TOX2: variants seen among roughly 807,000 people sequenced by gnomAD.
TOX2 encodes TOX high mobility group box family member 2, also known as granulosa cell HMG box 1.
In TOX2, 15 loss-of-function variants were observed where a neutral mutation model predicts 47.4. The observed-to-expected ratio is 0.32, with a 90% CI of 0.21 to 0.49. TOX2 has a LOEUF of 0.49. Ranked by LOEUF, TOX2 falls within the 20% of genes least tolerant of loss-of-function variation. The probability of loss-of-function intolerance (pLI) is 0.99; values close to 1 mark genes in which losing one functional copy is unlikely to be tolerated. For synonymous variants in TOX2, 290 were observed against 296.6 expected (o/e 0.98, Z 0.23); for missense variants, 622 against 673.1 (o/e 0.92, Z 0.84).
In TOX2 at chr20:43,916,798, C is replaced by A. The variant is rs1312086039; in HGVS notation, c.99+1808C>A. Among the ~76,000 whole-genome samples, 2 of 152,082 alleles carry A rather than the reference C, an allele frequency of 1.3e-5. No individual in the cohort carries two copies. Among genetic ancestry groups the A allele is most frequent in the Non-Finnish European group, 2.9e-5 (2 of 68,034 alleles). On this transcript the variant is annotated intron_variant, in intron 1 of 8. Transcript: ENST00000341197. The surrounding 1 kb of genome is among the most constrained non-coding windows in gnomAD (Gnocchi z 5.0). ...GAGTGGGTGGGGGTTTAGCCTGGAGCGCTCCGTTTGAGGGTGGTGTTTCTA... is the reference window on the plus strand; with the variant it reads ...GAGTGGGTGGGGGTTTAGCCTGGAGAGCTCCGTTTGAGGGTGGTGTTTCTA...
chr20:43,966,051 A>C (rs1039379124), intron 1 of TOX2, among the ~76,000 whole-genome samples: 1 of 152,244 alleles, frequency 6.6e-6, no homozygotes, highest in Admixed American at 6.5e-5. Flanking sequence ...TGTCAAAAAT[A>C]GTTAATATCT....
At chr20:44,048,080 G>A (rs1036889755) in intron 3 of TOX2, among the ~76,000 whole-genome samples, 12 of 151,946 alleles carry the variant, frequency 7.9e-5, no homozygotes, top group Non-Finnish European at 1.6e-4. Flanking sequence ...GTAGCCGGGT[G>A]TGGTGACATG....
intron 3 of TOX2, chr20:44,007,401 G>A (rs933326183): frequency 6.5e-6 from 1 of 152,962 alleles, no homozygotes; most frequent in Non-Finnish European, 1.5e-5. Flanking sequence ...TGGGAGAGGG[G>A]AACCACTAGG....
intron 3 of TOX2, among the ~76,000 whole-genome samples, chr20:44,025,327 G>A (rs75768338): frequency 0.012 from 1,752 of 151,316 alleles, 37 homozygotes; most frequent in African/African-American, 0.04. Context: ...TAAAGGGGTA[G>A]CCTTTGCACC....
chr20:44,029,097 C>T (rs1334413708), intron 3 of TOX2, among the ~76,000 whole-genome samples: 1 of 152,226 alleles, frequency 6.6e-6, no homozygotes, highest in African/African-American at 2.4e-5. Flanking sequence ...GGAGTCCTGG[C>T]AGCCCCCTGA....
chr20:43,969,523 A>G (rs1394955394), intron 1 of TOX2, among the ~76,000 whole-genome samples: 1 of 152,210 alleles, frequency 6.6e-6, no homozygotes, highest in Non-Finnish European at 1.5e-5. Flanking sequence ...GGTAAGCCCC[A>G]GGCCTTAGAG....
intron 1 of TOX2, among the ~76,000 whole-genome samples, chr20:43,939,633 A>G (rs893083062): frequency 1.3e-5 from 2 of 152,198 alleles, no homozygotes; most frequent in Non-Finnish European, 2.9e-5. Context: ...GCGAGGGTTC[A>G]TTTGGTGAGA....
chr20:44,067,070 A>G (rs1296918852), intron 8 of TOX2, among the ~76,000 whole-genome samples: 1 of 152,042 alleles, frequency 6.6e-6, no homozygotes, highest in Non-Finnish European at 1.5e-5. Flanking sequence ...TGCTTGGGAA[A>G]CTGACTAGTC....
chr20:44,001,395 A>G (rs560890123), intron 2 of TOX2, among the ~76,000 whole-genome samples: 1 of 152,240 alleles, frequency 6.6e-6, no homozygotes, highest in Non-Finnish European at 1.5e-5. Flanking sequence ...GGCACATAGT[A>G]GGTACTCAGG....
At position 44,006,765 on chromosome 20, in the gene TOX2, C is replaced by A. The variant is rs758985010; in HGVS notation, c.384C>A (p.Ser128Arg). Residue 128 changes from serine (S) to arginine (R), a missense_variant, in exon 3 of 9, where the codon AGC becomes AGA. Around this residue, in one of 3 missense-constraint regions of TOX2, gnomAD observed 307 missense variants for 327.3 expected, o/e 0.94. Transcript: ENST00000341197. ...IMVSNMLAQD[S>R]HLLSGQLPTI... is the part of the protein sequence containing the mutation. ...TGTCCAACATGCTAGCACAGGACAG[C>A]CACCTGCTGTCGGGCCAGCTGCCCA... 1.4e-5 allele frequency: 23 copies of A among 1,613,698 alleles called. No homozygotes were observed. The highest frequency in any genetic ancestry group is 1.8e-5 in the Non-Finnish European group (21 of 1,179,994).
At chr20:44,042,707 C>CA (rs2071351472) in intron 3 of TOX2, among the ~76,000 whole-genome samples, 1 of 152,060 alleles carries the variant, frequency 6.6e-6, no homozygotes, top group South Asian at 2.1e-4. Flanking sequence ...CTTTGAGACT[C>CA]AAAAAAGCCA....
chr20:44,031,459 C>T (rs2071150882), intron 3 of TOX2, among the ~76,000 whole-genome samples: 2 of 152,114 alleles, frequency 1.3e-5, no homozygotes, highest in Non-Finnish European at 2.9e-5. Context: ...CTCATTCCAT[C>T]TGTTTGTCCC....
intron 3 of TOX2, among the ~76,000 whole-genome samples, chr20:44,031,502 G>T (rs1239647119): frequency 1.3e-5 from 2 of 152,114 alleles, no homozygotes; most frequent in Non-Finnish European, 2.9e-5. Context: ...GCGTGGCAAG[G>T]TCTGTGCCTG....
chr20:43,980,523 C>T (rs1477242924), intron 2 of TOX2, among the ~76,000 whole-genome samples: 1 of 152,108 alleles, frequency 6.6e-6, no homozygotes, highest in African/African-American at 2.4e-5. Flanking sequence ...TTGTTTGTGA[C>T]ACAAGGATAA....
At chr20:43,984,963 C>T (rs2070239517) in intron 2 of TOX2, among the ~76,000 whole-genome samples, 1 of 152,134 alleles carries the variant, frequency 6.6e-6, no homozygotes, top group Non-Finnish European at 1.5e-5. Flanking sequence ...TGAGTTTTTA[C>T]TGGGGAGGGT....
chr20:44,051,591 C>T (rs767509688), intron 4 of TOX2, 46 bp downstream of exon 4: 3 of 1,529,748 alleles, frequency 2.0e-6, no homozygotes, highest in East Asian at 4.6e-5. Flanking sequence ...CTCCTGTCGG[C>T]AGGGAAGGGG....
At position 44,006,573 on chromosome 20, in the gene TOX2, C is replaced by T. The variant is rs765009016; in HGVS notation, c.192C>T (p.Asn64=). Residue 64 remains asparagine, a synonymous_variant, in exon 3 of 9, where the codon AAC becomes AAT. Transcript: ENST00000341197. ...CCTACAACGGCCAGAGCGAGAACAA[C>T]GAAGACTATGAGATCCCCCCGATAA... ...SQTYNGQSEN[N]EDYEIPPITP... 21 of 1,613,616 alleles carry T rather than the reference C, an allele frequency of 1.3e-5. No homozygotes were observed. The highest frequency in any genetic ancestry group is 2.2e-5 in the South Asian group (2 of 91,062).
rs895725536 is a variant in TOX2, at chr20:44,053,566, TAC to T, written c.652-725_652-724del. On this transcript the variant is annotated intron_variant, in intron 4 of 8. Coordinates refer to ENST00000341197, the MANE Select transcript of TOX2 (RefSeq NM_001098797.2). Reference sequence around the variant, plus strand: ...TATATATATACATATATACTATATATACACACACATATATATACTATATATAC... The same window carrying T: ...TATATATATACATATATACTATATATACACACATATATATACTATATATAC... Among the ~76,000 whole-genome samples, 8 of 141,924 alleles carry T rather than the reference TAC, an allele frequency of 5.6e-5. No individual in the cohort carries two copies. The East Asian group carries it at 1.0e-3, about 18-fold the overall frequency. The allele number at this position is 141,924 out of a possible 152,430, so 93.1% of individuals were successfully genotyped here. A position where few individuals can be genotyped will look rare whatever the true frequency, so the allele number is the denominator to read the frequency against.
intron 5 of TOX2, among the ~76,000 whole-genome samples, chr20:44,062,025 A>G (rs2071726322): frequency 6.6e-6 from 1 of 151,952 alleles, no homozygotes; most frequent in African/African-American, 2.4e-5. Context: ...CATTACACTG[A>G]ATGGGGAAAA....
Sources: allele counts gnomAD v4.1 joint callset (sites outside exome capture counted in the v4.1 genomes callset), GRCh38; gene constraint gnomAD v4.1.1; regional missense constraint gnomAD v4.1.1; non-coding constraint Gnocchi (gnomAD v3.1); transcripts MANE v1.5; gene names NCBI Gene and HGNC (gene_info 2026-07-23, HGNC 2026-07-21).